COL5A2: variants seen among roughly 807,000 people sequenced by gnomAD.
COL5A2 encodes the protein collagen type V alpha 2 chain.
A neutral mutation model predicts 208.2 loss-of-function variants in COL5A2; 23 were observed. The observed-to-expected ratio is 0.11, with a 90% CI of 0.08 to 0.16. COL5A2 has a LOEUF of 0.16. Ranked by LOEUF, COL5A2 falls within the 10% of genes least tolerant of loss-of-function variation. The probability of loss-of-function intolerance (pLI) is 1.00; values close to 1 mark genes in which losing one functional copy is unlikely to be tolerated. For synonymous variants in COL5A2, 625 were observed against 628.5 expected, an observed-to-expected ratio of 0.99 and a Z score of 0.08; for missense variants, 1,590 against 1,956.4, an observed-to-expected ratio of 0.81 and a Z score of 3.53.
rs1343192510 is a variant in COL5A2, at chr2:189,054,115, G to C, written c.2445+44C>G. 8 of 1,536,054 alleles carry C rather than the reference G, an allele frequency of 5.2e-6. No homozygotes were observed. In the South Asian group the frequency reaches 7.8e-5, roughly 15 times the overall value. ...GATTTATGAAAGAGCCTGCTATTCA[G>C]GACTCATAATTTTGAGTGTACAAAT... On this transcript the variant is annotated intron_variant, in intron 36 of 53. Transcript: ENST00000374866.
chr2:189,183,451 G>A (rs965516525), upstream of COL5A2, among the ~76,000 whole-genome samples: 1 of 152,066 alleles, frequency 6.6e-6, no homozygotes, highest in Non-Finnish European at 1.5e-5. Flanking sequence ...CTGTTTACAT[G>A]TTAATTACTC....
the COL5A2 span, among the ~76,000 whole-genome samples, chr2:189,259,197 T>C: frequency 6.6e-6 from 1 of 152,140 alleles, no homozygotes; most frequent in Non-Finnish European, 1.5e-5. Flanking sequence ...AAGAAAAAAA[T>C]GCACTAGGAG....
At chr2:189,399,206 G>T in the COL5A2 span, among the ~76,000 whole-genome samples, 1 of 151,376 alleles carries the variant, frequency 6.6e-6, no homozygotes, top group Non-Finnish European at 1.5e-5. Flanking sequence ...ATCTCCTGAA[G>T]ATAAATTCTT....
At chr2:189,242,751 G>T in the COL5A2 span, among the ~76,000 whole-genome samples, 1 of 152,182 alleles carries the variant, frequency 6.6e-6, no homozygotes, top group African/African-American at 2.4e-5. Flanking sequence ...AATTAATGGA[G>T]CAGGCTGAAC....
chr2:189,053,891 T>C lies in COL5A2; in HGVS notation c.2499+4A>G. The C allele has an allele frequency of 2.5e-6, 4 of 1,613,236 alleles. No homozygotes were observed. Among genetic ancestry groups the C allele is most frequent in the Non-Finnish European group, 3.4e-6 (4 of 1,179,282 alleles). ...CTAAAGAACACCAAAATACTGTCAC[T>C]TACAGGATTGCCCCGGGAGCCAGGA... On this transcript the variant is annotated splice_donor_region_variant and intron_variant, in intron 37 of 53. Coordinates refer to ENST00000374866, the MANE Select transcript of COL5A2 (RefSeq NM_000393.5).
At chr2:189,269,707 T>A in the COL5A2 span, among the ~76,000 whole-genome samples, 1 of 152,168 alleles carries the variant, frequency 6.6e-6, no homozygotes, top group African/African-American at 2.4e-5. Flanking sequence ...TCTTTTTTTG[T>A]TGTGTCTCTG....
At chr2:189,170,020 T>C (rs1018141846) in intron 1 of COL5A2, among the ~76,000 whole-genome samples, 4 of 152,224 alleles carry the variant, frequency 2.6e-5, no homozygotes, top group African/African-American at 4.8e-5. Flanking sequence ...CCTGGCCTGT[T>C]ATTATTAAAT....
chr2:189,421,305 C>T, the COL5A2 span, among the ~76,000 whole-genome samples: 1 of 152,098 alleles, frequency 6.6e-6, no homozygotes, highest in Non-Finnish European at 1.5e-5. Flanking sequence ...TAGGACTCTC[C>T]ACACAATCAT....
In COL5A2 at chr2:189,066,761, A is replaced by C; in HGVS notation, c.1423T>G (p.Phe475Val). ...CCTTTTGGGCCAGCTTCTCCTTTGA[A>C]ACCTGGAACTCCTGGATCACCCTGA... ...GQPGDPGVPG[F>V]KGEAGPKGEP... The change falls in exon 22 of 54, where the codon TTC (phenylalanine) becomes GTC (valine). Residue 475 changes from phenylalanine (F) to valine (V), a missense_variant. By Grantham distance (50) the Phe-to-Val change is conservative. Coordinates refer to ENST00000374866, the MANE Select transcript of COL5A2 (RefSeq NM_000393.5). 1 of 1,613,734 alleles carries C rather than the reference A, an allele frequency of 6.2e-7. No individual in the cohort carries two copies. The highest frequency in any genetic ancestry group is 8.5e-7 in the Non-Finnish European group (1 of 1,179,664).
At chr2:189,303,107 C>A in the COL5A2 span, among the ~76,000 whole-genome samples, 1 of 152,134 alleles carries the variant, frequency 6.6e-6, no homozygotes, top group African/African-American at 2.4e-5. Flanking sequence ...CCTCAAACTG[C>A]AGAAGTTACA....
At chr2:189,065,166 A>T in intron 23 of COL5A2, 109 bp from the exon 24 acceptor site, 2 of 969,248 alleles carry the variant, frequency 2.1e-6, no homozygotes, top group East Asian at 5.3e-5. Context: ...GCCATCATCA[A>T]GCCAACATGG....
At chr2:189,263,496 C>T in the COL5A2 span, among the ~76,000 whole-genome samples, 1 of 152,110 alleles carries the variant, frequency 6.6e-6, no homozygotes, top group Non-Finnish European at 1.5e-5. Context: ...TGTGGTACAA[C>T]TCATTACTCA....
At chr2:189,205,440 T>A (rs1689130291) in intron 1 of COL5A2, among the ~76,000 whole-genome samples, 1 of 152,214 alleles carries the variant, frequency 6.6e-6, no homozygotes, top group African/African-American at 2.4e-5. Context: ...AATTACAATG[T>A]GAGGTTACTT....
At chr2:189,361,538 G>A in the COL5A2 span, among the ~76,000 whole-genome samples, 1 of 50,826 alleles carries the variant, frequency 2.0e-5, no homozygotes, top group African/African-American at 4.2e-5. Context: ...CATGTAGTTG[G>A]GTCTTGTTTT....
At chr2:189,391,810 T>C in the COL5A2 span, among the ~76,000 whole-genome samples, 1 of 152,182 alleles carries the variant, frequency 6.6e-6, no homozygotes, top group Non-Finnish European at 1.5e-5. Context: ...CTCTACATAC[T>C]AAAATTATTT....
chr2:189,049,337 T>C lies in COL5A2; in HGVS notation c.3147+10A>G, dbSNP rs747271983. On this transcript the variant is annotated intron_variant, in intron 44 of 53. Transcript: ENST00000374866. ...AACAAGAGAAGAGTTATTTTCACTG[T>C]AGTACTCACTTCTGGTCCAGGTTCC... The C allele has an allele frequency of 1.3e-6, 2 of 1,568,936 alleles. No homozygotes were observed. Among genetic ancestry groups the C allele is most frequent in the East Asian group, 2.2e-5 (1 of 44,648 alleles).
At chr2:189,378,515 GA>G in the COL5A2 span, among the ~76,000 whole-genome samples, 5 of 152,216 alleles carry the variant, frequency 3.3e-5, no homozygotes, top group South Asian at 1.0e-3. Context: ...ATGAGGTCAA[GA>G]GATCGAGACC....
the COL5A2 span, among the ~76,000 whole-genome samples, chr2:189,230,982 T>C: frequency 6.6e-6 from 1 of 151,942 alleles, no homozygotes; most frequent in Non-Finnish European, 1.5e-5. Context: ...TACAATGGAA[T>C]ATTATTCAGC....
chr2:189,332,824 C>G, the COL5A2 span, among the ~76,000 whole-genome samples: 1 of 152,074 alleles, frequency 6.6e-6, no homozygotes, highest in African/African-American at 2.4e-5. Context: ...TGAAAAGATA[C>G]CCAAAAATGT....
Sources: allele counts gnomAD v4.1 joint callset (sites outside exome capture counted in the v4.1 genomes callset), GRCh38; gene constraint gnomAD v4.1.1; transcripts MANE v1.5; gene names NCBI Gene and HGNC (gene_info 2026-07-23, HGNC 2026-07-21).